The following IGF2BP3 variants were observed in gnomAD, a reference collection of about 807,000 sequenced individuals.
IGF2BP3 encodes insulin like growth factor 2 mRNA binding protein 3, also known as insulin-like growth factor 2 mRNA-binding protein 3.
IGF2BP3 carries 9 observed loss-of-function variants against 73.8 expected under a neutral mutation model. The ratio of observed to expected loss-of-function variants is 0.12; its 90% CI spans 0.07 to 0.21. IGF2BP3 has a LOEUF of 0.21. Among genes scored for constraint, IGF2BP3 ranks in the 10% least tolerant of loss-of-function variants. The pLI, the probability that IGF2BP3 is intolerant of heterozygous loss-of-function variation, is 1.00. For missense variants in IGF2BP3, 542 were observed against 714.0 expected (o/e 0.76, Z 2.75); for synonymous variants, 258 against 256.7 (o/e 1.01, Z -0.05).
chr7:23,357,805 G>A (rs1165890495), intron 5 of IGF2BP3, among the ~76,000 whole-genome samples: 1 of 152,204 alleles, frequency 6.6e-6, no homozygotes, highest in Non-Finnish European at 1.5e-5. Context: ...TTAGCCACAA[G>A]GTGGCAGGAA....
chr7:23,431,829 C>CCACA lies in IGF2BP3; in HGVS notation c.237-13009_237-13006dup, dbSNP rs60993484. Among the ~76,000 whole-genome samples, 125 of 151,982 alleles carry CCACA rather than the reference C, an allele frequency of 8.2e-4. 1 individual carries two copies. Among genetic ancestry groups the CCACA allele is most frequent in the African/African-American group, 2.6e-3 (108 of 41,436 alleles). On this transcript the variant is annotated intron_variant, in intron 2 of 14. Transcript: ENST00000258729. ...GGAACTTGGCCCCTCCCCCGCCAAC[C>CCACA]CACACACACACATTCTCTCTCTCTC... is the stretch of plus-strand genomic sequence containing the variant.
At chr7:23,439,697 G>A (rs1787887422) in intron 2 of IGF2BP3, among the ~76,000 whole-genome samples, 1 of 151,612 alleles carries the variant, frequency 6.6e-6, no homozygotes, top group Admixed American at 6.6e-5. Flanking sequence ...CAATCTCACA[G>A]AGGATACAAG....
At chr7:23,466,159 A>G (rs1391736970) in intron 2 of IGF2BP3, among the ~76,000 whole-genome samples, 1 of 151,618 alleles carries the variant, frequency 6.6e-6, no homozygotes, top group African/African-American at 2.4e-5. Flanking sequence ...GCTGGGTGGG[A>G]TTACAGGCAC....
intron 2 of IGF2BP3, among the ~76,000 whole-genome samples, chr7:23,420,620 T>G (rs1471218555): frequency 6.6e-6 from 1 of 152,196 alleles, no homozygotes; most frequent in African/African-American, 2.4e-5. Flanking sequence ...CATAACCTAG[T>G]TTAGTCCTTT....
chr7:23,379,520 T>TA (rs1305108884), intron 3 of IGF2BP3, among the ~76,000 whole-genome samples: 1 of 152,154 alleles, frequency 6.6e-6, no homozygotes, highest in East Asian at 1.9e-4. Context: ...CAAGTAATTT[T>TA]AAAGGTTTTA....
At chr7:23,417,923 G>A (rs1162740319) in intron 3 of IGF2BP3, among the ~76,000 whole-genome samples, 1 of 152,130 alleles carries the variant, frequency 6.6e-6, no homozygotes, top group Non-Finnish European at 1.5e-5. Flanking sequence ...ATACTGTTCT[G>A]AAGATAAATA....
intron 9 of IGF2BP3, among the ~76,000 whole-genome samples, chr7:23,343,140 C>A (rs1052274470): frequency 6.6e-6 from 1 of 152,186 alleles, no homozygotes; most frequent in Admixed American, 6.5e-5. Flanking sequence ...AGATGCACTA[C>A]ACAGATTGTT....
chr7:23,455,982 G>A (rs1436458060), intron 2 of IGF2BP3, among the ~76,000 whole-genome samples: 1 of 152,138 alleles, frequency 6.6e-6, no homozygotes, highest in Non-Finnish European at 1.5e-5. Context: ...ACTGCGCCCG[G>A]CAGGGTCTTA....
At chr7:23,313,454 G>C (rs553156118) in intron 13 of IGF2BP3, 68 bp downstream of exon 13, 1 of 1,526,128 alleles carries the variant, frequency 6.6e-7, no homozygotes, top group Non-Finnish European at 8.8e-7. Context: ...TCGGGGACTT[G>C]GAACTCCTAA....
Position 23,323,409 on chromosome 7 carries a change from G to C in IGF2BP3, c.1204-4155C>G, listed in dbSNP as rs1409795547. On this transcript the variant is annotated intron_variant, in intron 10 of 14. Coordinates refer to ENST00000258729, the MANE Select transcript of IGF2BP3 (RefSeq NM_006547.3). ...TATGCACCCAATACAGGAGCACCCA[G>C]ATTCATAAAGCAAGTCCTGAGTGAC... Among the ~76,000 whole-genome samples, 6 of 145,168 alleles carry C rather than the reference G, an allele frequency of 4.1e-5. 1 individual carries two copies. The highest frequency in any genetic ancestry group is 4.6e-4 in the South Asian group (2 of 4,394).
chr7:23,382,311 A>G (rs1162433214), intron 3 of IGF2BP3, among the ~76,000 whole-genome samples: 2 of 152,210 alleles, frequency 1.3e-5, no homozygotes, highest in African/African-American at 4.8e-5. Flanking sequence ...TGAATACAAC[A>G]AAACAGGTTG....
At chr7:23,395,819 G>C (rs913540805) in intron 3 of IGF2BP3, among the ~76,000 whole-genome samples, 5 of 151,824 alleles carry the variant, frequency 3.3e-5, no homozygotes, top group Non-Finnish European at 5.9e-5. Context: ...CCAGCTACTC[G>C]GGAGGCTGAG....
intron 2 of IGF2BP3, among the ~76,000 whole-genome samples, chr7:23,426,495 T>C (rs1787515890): frequency 6.6e-6 from 1 of 152,224 alleles, no homozygotes; most frequent in Admixed American, 6.5e-5. Context: ...AAGATCCATA[T>C]GTGGCATTTG....
chr7:23,420,500 G>T (rs542359862), intron 2 of IGF2BP3, among the ~76,000 whole-genome samples: 19 of 151,806 alleles, frequency 1.3e-4, no homozygotes, highest in African/African-American at 4.6e-4. Context: ...GAAGAAAAAA[G>T]AAAAATAAAA....
intron 5 of IGF2BP3, among the ~76,000 whole-genome samples, chr7:23,355,185 T>G (rs1049374829): frequency 1.3e-5 from 2 of 152,068 alleles, no homozygotes; most frequent in African/African-American, 4.8e-5. Flanking sequence ...TTATCCAACA[T>G]GTATATTACT....
intron 2 of IGF2BP3, among the ~76,000 whole-genome samples, chr7:23,463,724 G>C (rs377602412): frequency 6.6e-6 from 1 of 152,134 alleles, no homozygotes; most frequent in Non-Finnish European, 1.5e-5. Flanking sequence ...AGTTACTGTG[G>C]ACAGCCATAC....
intron 2 of IGF2BP3, among the ~76,000 whole-genome samples, chr7:23,466,683 GA>G (rs1303997200): frequency 3.3e-5 from 5 of 152,114 alleles, no homozygotes; most frequent in Non-Finnish European, 2.9e-5. Flanking sequence ...AAGCCTTTAA[GA>G]ATAAAACAGG....
intron 12 of IGF2BP3, among the ~76,000 whole-genome samples, chr7:23,315,691 ATATTAC>A (rs1219553382): frequency 1.3e-5 from 2 of 152,200 alleles, no homozygotes; most frequent in African/African-American, 4.8e-5. Context: ...AATGACGTAG[ATATTAC>A]TATTACTTAA....
intron 10 of IGF2BP3, among the ~76,000 whole-genome samples, chr7:23,327,212 A>T (rs1583888503): frequency 6.6e-6 from 1 of 152,000 alleles, no homozygotes; most frequent in Middle Eastern, 3.4e-3. Flanking sequence ...GCTCCCAAGT[A>T]CTCAAGTTAA....
Sources: allele counts gnomAD v4.1 joint callset (sites outside exome capture counted in the v4.1 genomes callset), GRCh38; gene constraint gnomAD v4.1.1; transcripts MANE v1.5; gene names NCBI Gene and HGNC (gene_info 2026-07-23, HGNC 2026-07-21).